OLFM2: variants seen among roughly 807,000 people sequenced by gnomAD.
OLFM2 encodes olfactomedin 2.
OLFM2 carries 20 observed loss-of-function variants against 43.9 expected under a neutral mutation model. That is an observed-to-expected ratio of 0.46 (90% confidence interval 0.32 to 0.66). The LOEUF (loss-of-function observed/expected upper bound fraction) is 0.66, where lower values mean the gene tolerates loss of function less well. Among genes scored for constraint, OLFM2 ranks in the 30% least tolerant of loss-of-function variants. OLFM2 has a pLI of 0.04. For synonymous variants in OLFM2, 268 were observed against 278.6 expected (o/e 0.96, Z 0.38); for missense variants, 416 against 643.6 (o/e 0.65, Z 3.83).
chr19:9,880,399 G>A (rs1441195883), intron 1 of OLFM2, among the ~76,000 whole-genome samples: 2 of 152,100 alleles, frequency 1.3e-5, no homozygotes, highest in Non-Finnish European at 2.9e-5. Flanking sequence ...GCTCTAGTAG[G>A]AAGACGCATG....
At chr19:9,903,128 A>G (rs1433916716) in intron 1 of OLFM2, among the ~76,000 whole-genome samples, 1 of 152,188 alleles carries the variant, frequency 6.6e-6, no homozygotes, top group Non-Finnish European at 1.5e-5. Flanking sequence ...TCCTGGGTTC[A>G]AGTGATCCTC....
intron 1 of OLFM2, among the ~76,000 whole-genome samples, chr19:9,903,927 T>C (rs984608434): frequency 6.6e-6 from 1 of 152,138 alleles, no homozygotes; most frequent in African/African-American, 2.4e-5. Context: ...GTTGCATTAC[T>C]CTGATGGGCA....
chr19:9,883,401 G>A (rs1382093880), intron 1 of OLFM2, among the ~76,000 whole-genome samples: 4 of 152,020 alleles, frequency 2.6e-5, no homozygotes, highest in Non-Finnish European at 4.4e-5. Flanking sequence ...AGGCAGGCAC[G>A]TCCTCTGCTT....
chr19:9,916,699 G>A (rs992021806), intron 1 of OLFM2, among the ~76,000 whole-genome samples: 2 of 152,108 alleles, frequency 1.3e-5, no homozygotes, highest in South Asian at 2.1e-4. Flanking sequence ...TTAGTTCAGC[G>A]CATCCAGGCT....
At chr19:9,907,524 C>T (rs1434230821) in intron 1 of OLFM2, among the ~76,000 whole-genome samples, 4 of 152,076 alleles carry the variant, frequency 2.6e-5, no homozygotes, top group Non-Finnish European at 4.4e-5. Context: ...TCATCCTGCC[C>T]TCTGTCACCA....
intron 1 of OLFM2, among the ~76,000 whole-genome samples, chr19:9,888,207 T>C (rs1408404350): frequency 6.6e-6 from 1 of 152,002 alleles, no homozygotes; most frequent in Non-Finnish European, 1.5e-5. Context: ...AGACCCTTAC[T>C]GAAATGTCAT....
At chr19:9,890,511 A>T (rs1390573117) in intron 1 of OLFM2, among the ~76,000 whole-genome samples, 1 of 152,160 alleles carries the variant, frequency 6.6e-6, no homozygotes, top group Non-Finnish European at 1.5e-5. Flanking sequence ...CATGTAAGAG[A>T]CTGCAGTAGT....
At chr19:9,913,854 C>G (rs1599497624) in intron 1 of OLFM2, 1 of 191,720 alleles carries the variant, frequency 5.2e-6, no homozygotes, top group African/African-American at 2.4e-5. Context: ...CCCCCGCCCC[C>G]TCCCGCGCCT....
At chr19:9,927,281 CG>C (rs2086459560) in intron 1 of OLFM2, among the ~76,000 whole-genome samples, 1 of 151,286 alleles carries the variant, frequency 6.6e-6, no homozygotes, top group African/African-American at 2.4e-5. Flanking sequence ...GGCTCTGTCT[CG>C]AAAAAAATAT....
intron 1 of OLFM2, among the ~76,000 whole-genome samples, chr19:9,927,110 T>G (rs62104301): frequency 0.073 from 11,077 of 152,012 alleles, 540 homozygotes; most frequent in Non-Finnish European, 0.12. Context: ...GGTGAAATCC[T>G]GTCTCTACTA....
Position 9,911,923 on chromosome 19 carries a change from T to C in OLFM2, c.63+24381A>G, listed in dbSNP as rs115002673. Among the ~76,000 whole-genome samples, 524 of 152,254 alleles carry C rather than the reference T, an allele frequency of 3.4e-3. 3 individuals carry two copies. The highest frequency in any genetic ancestry group is 0.012 in the African/African-American group (485 of 41,538). On this transcript the variant is annotated intron_variant, in intron 1 of 5. Coordinates refer to ENST00000264833, the MANE Select transcript of OLFM2 (RefSeq NM_058164.4). ...AACAAACTCATATGCACACATGCAATCTTGTAACACAGGCAAACCCATAGT... is the reference window on the plus strand; with the variant it reads ...AACAAACTCATATGCACACATGCAACCTTGTAACACAGGCAAACCCATAGT...
intron 1 of OLFM2, among the ~76,000 whole-genome samples, chr19:9,890,811 G>A (rs572996763): frequency 1.4e-4 from 22 of 152,110 alleles, no homozygotes; most frequent in South Asian, 6.2e-4. Context: ...AAAATTTATC[G>A]GGCATGGAGG....
At position 9,857,667 on chromosome 19, in the gene OLFM2, A is replaced by C; in HGVS notation, c.360+48T>G. 3 of 1,613,624 alleles carry C rather than the reference A, an allele frequency of 1.9e-6. No homozygotes were observed. The highest frequency in any genetic ancestry group is 1.7e-6 in the Non-Finnish European group (2 of 1,179,638). Reference sequence around the variant, plus strand: ...CCATTGTAGGAACTAATGGATACCAAATCCCAGTCATTTGTTTGACCTCTG... The same window carrying C: ...CCATTGTAGGAACTAATGGATACCACATCCCAGTCATTTGTTTGACCTCTG... On this transcript the variant is annotated intron_variant, in intron 3 of 5. Transcript: ENST00000264833. This position sits in a 1 kb window ranked among gnomAD's most constrained non-coding sequence, Gnocchi z 5.7.
intron 1 of OLFM2, 58 bp downstream of exon 1, chr19:9,936,246 C>G: frequency 2.0e-6 from 3 of 1,506,300 alleles, no homozygotes; most frequent in Admixed American, 4.0e-5. Context: ...GGGAACCCTC[C>G]GCGCCCCCCT....
chr19:9,869,312 C>G (rs2046425720), intron 1 of OLFM2, among the ~76,000 whole-genome samples: 1 of 152,170 alleles, frequency 6.6e-6, no homozygotes, highest in Admixed American at 6.6e-5. Context: ...ATAGAAGTGA[C>G]TAGTTTCCTC....
intron 1 of OLFM2, among the ~76,000 whole-genome samples, chr19:9,909,202 C>T (rs2046808365): frequency 6.6e-6 from 1 of 152,142 alleles, no homozygotes; most frequent in Non-Finnish European, 1.5e-5. Context: ...AAAAGGTCCC[C>T]CTCAAATAGC....
At chr19:9,859,240 T>C (rs942425799) in intron 2 of OLFM2, among the ~76,000 whole-genome samples, 1 of 152,256 alleles carries the variant, frequency 6.6e-6, no homozygotes, top group African/African-American at 2.4e-5. Context: ...ACGTTTCAGC[T>C]ACCTGAGGCC....
intron 1 of OLFM2, among the ~76,000 whole-genome samples, chr19:9,887,903 T>G (rs1468292854): frequency 6.6e-6 from 1 of 152,088 alleles, no homozygotes; most frequent in African/African-American, 2.4e-5. Context: ...AGTGGTGGCA[T>G]GTGTCTGTAG....
intron 1 of OLFM2, among the ~76,000 whole-genome samples, chr19:9,913,268 G>A (rs1312309911): frequency 6.6e-6 from 1 of 152,124 alleles, no homozygotes; most frequent in Admixed American, 6.5e-5. Context: ...CCTAAATGGC[G>A]CGGAGGTGGC....
Sources: allele counts gnomAD v4.1 joint callset (sites outside exome capture counted in the v4.1 genomes callset), GRCh38; gene constraint gnomAD v4.1.1; non-coding constraint Gnocchi (gnomAD v3.1); transcripts MANE v1.5; gene names NCBI Gene and HGNC (gene_info 2026-07-23, HGNC 2026-07-21).